Variants in SLC38A9 observed in about 807,000 individuals in gnomAD.
The protein encoded by SLC38A9 is neutral amino acid transporter 9.
A neutral mutation model predicts 62.3 loss-of-function variants in SLC38A9; 48 were observed. The ratio of observed to expected loss-of-function variants is 0.77; its 90% CI spans 0.61 to 0.98. The LOEUF (loss-of-function observed/expected upper bound fraction) is 0.98, where lower values mean the gene tolerates loss of function less well. Ranked by LOEUF, SLC38A9 falls within the 50% of genes least tolerant of loss-of-function variation. The pLI is 0.00. For synonymous variants in SLC38A9, 204 were observed against 227.7 expected (o/e 0.90, Z 0.94); for missense variants, 541 against 679.8 (o/e 0.80, Z 2.27).
chr5:55,652,005 C>G (rs1339458698), intron 10 of SLC38A9, among the ~76,000 whole-genome samples: 7 of 145,678 alleles, frequency 4.8e-5, no homozygotes, highest in African/African-American at 1.7e-4. Context: ...AAATGGTCAT[C>G]TACACTTTTC....
chr5:55,691,350 T>C (rs1754712832), intron 3 of SLC38A9: 2 of 1,425,326 alleles, frequency 1.4e-6, no homozygotes, highest in Non-Finnish European at 1.8e-6. Context: ...AAAATATGGT[T>C]TACAAAGAAT....
At position 55,706,496 on chromosome 5, in the gene SLC38A9, G is replaced by C. The variant is rs139298561; in HGVS notation, c.-35+4956C>G. Among the ~76,000 whole-genome samples, 377 of 152,278 alleles carry C rather than the reference G, an allele frequency of 2.5e-3. 3 individuals are homozygous for C. Among genetic ancestry groups the C allele is most frequent in the African/African-American group, 8.8e-3 (367 of 41,568 alleles). Reference sequence around the variant, plus strand: ...TTATCAAAAAGTGAAATCAAGGTTGGGGAAAAATGTAAGGGCCACTGAGGA... The same window carrying C: ...TTATCAAAAAGTGAAATCAAGGTTGCGGAAAAATGTAAGGGCCACTGAGGA... On this transcript the variant is annotated intron_variant, in intron 2 of 15. Transcript: ENST00000396865.
At chr5:55,694,133 A>G (rs150661692) in intron 3 of SLC38A9, 2,021 of 198,726 alleles carry the variant, frequency 0.01, 18 homozygotes, top group Non-Finnish European at 0.015. Context: ...GCTTCAGCCC[A>G]GGAGATCAAG....
At chr5:55,709,248 CCTT>C (rs1449096279) in intron 2 of SLC38A9, among the ~76,000 whole-genome samples, 2 of 152,150 alleles carry the variant, frequency 1.3e-5, no homozygotes, top group Non-Finnish European at 2.9e-5. Context: ...AAGAATCTCT[CCTT>C]CTACAATGGG....
intron 14 of SLC38A9, chr5:55,633,526 C>A (rs562522283): frequency 4.2e-6 from 2 of 477,206 alleles, no homozygotes; most frequent in Non-Finnish European, 7.4e-6. Context: ...TAAATGGTAT[C>A]GGAGCTAATT....
Position 55,681,797 on chromosome 5 carries a change from T to C in SLC38A9, c.114-9102A>G, listed in dbSNP as rs916410114. ...GTGCAGACCAGGGGTCGGTACACTA[T>C]GGCCTGATAAAACAAATCCAAGCCC... On this transcript the variant is annotated intron_variant, in intron 3 of 15. Coordinates refer to ENST00000396865, the MANE Select transcript of SLC38A9 (RefSeq NM_173514.4). Among the ~76,000 whole-genome samples, 2 of 152,166 alleles carry C rather than the reference T, an allele frequency of 1.3e-5. 1 individual carries two copies. Among genetic ancestry groups the C allele is most frequent in the African/African-American group, 4.8e-5 (2 of 41,426 alleles).
chr5:55,707,786 T>C (rs1021600594), intron 2 of SLC38A9, among the ~76,000 whole-genome samples: 8 of 152,364 alleles, frequency 5.3e-5, no homozygotes, highest in African/African-American at 9.6e-5. Context: ...TAATTGCCAA[T>C]GTTATAGTAT....
At chr5:55,655,172 G>A (rs1167173651) in intron 9 of SLC38A9, among the ~76,000 whole-genome samples, 1 of 152,116 alleles carries the variant, frequency 6.6e-6, no homozygotes, top group Admixed American at 6.5e-5. Flanking sequence ...GAAATGGATT[G>A]TTTCATACTC....
In SLC38A9 at chr5:55,645,845, A is replaced by C. The variant is rs745594588; in HGVS notation, c.1111T>G (p.Phe371Val). The C allele has an allele frequency of 6.2e-7, 1 of 1,612,572 alleles. No homozygotes were observed. The highest frequency in any genetic ancestry group is 1.3e-5 in the African/African-American group (1 of 74,986). ...QLTGVLTLAFFIHNCIITLLK... is the reference protein window; with the variant it reads ...QLTGVLTLAFVIHNCIITLLK... Reference sequence around the variant, plus strand: ...AGTGTGATGATACAATTATGAATAAAAAAAGCAAGGGTAAGCACTCCAGTC... The same window carrying C: ...AGTGTGATGATACAATTATGAATAACAAAAGCAAGGGTAAGCACTCCAGTC... Residue 371 changes from phenylalanine to valine, a missense_variant, in exon 12 of 16, where the codon TTT becomes GTT. By Grantham distance (50) the Phe-to-Val change is conservative (BLOSUM62 -1). Coordinates refer to ENST00000396865, the MANE Select transcript of SLC38A9 (RefSeq NM_173514.4).
intron 8 of SLC38A9, among the ~76,000 whole-genome samples, chr5:55,657,625 A>G (rs1748686472): frequency 1.3e-5 from 2 of 152,196 alleles, no homozygotes; most frequent in Admixed American, 1.3e-4. Context: ...ATGGCTGAGC[A>G]TTCATCATTC....
intron 7 of SLC38A9, among the ~76,000 whole-genome samples, chr5:55,667,671 A>AG (rs1461602725): frequency 6.6e-6 from 1 of 152,006 alleles, no homozygotes; most frequent in Non-Finnish European, 1.5e-5. Context: ...GCTTTGTGTT[A>AG]GGGGTGTGTG....
chr5:55,700,393 G>C (rs1321775371), intron 2 of SLC38A9, among the ~76,000 whole-genome samples: 1 of 148,622 alleles, frequency 6.7e-6, no homozygotes, highest in Non-Finnish European at 1.5e-5. Flanking sequence ...CCAGACCAAA[G>C]GGGAAAAAAA....
chr5:55,668,536 C>G (rs1471170393), intron 7 of SLC38A9, among the ~76,000 whole-genome samples: 1 of 152,144 alleles, frequency 6.6e-6, no homozygotes, highest in African/African-American at 2.4e-5. Flanking sequence ...TCTGGCTTCT[C>G]AAGACTTTTA....
chr5:55,669,135 G>A, intron 7 of SLC38A9, 93 bp downstream of exon 7: 1 of 752,562 alleles, frequency 1.3e-6, no homozygotes, highest in African/African-American at 1.8e-5. Context: ...GTAGACAGCT[G>A]ACACACATGT....
At chr5:55,650,786 G>T (rs116579957) in intron 10 of SLC38A9, among the ~76,000 whole-genome samples, 1,607 of 152,022 alleles carry the variant, frequency 0.011, 25 homozygotes, top group African/African-American at 0.037. Flanking sequence ...GATATGCTGG[G>T]TTATTTATTT....
intron 3 of SLC38A9, 33 bp downstream of exon 3, chr5:55,697,813 A>G: frequency 8.9e-7 from 1 of 1,128,028 alleles, no homozygotes; most frequent in Non-Finnish European, 1.3e-6. Flanking sequence ...TAAAGACCCT[A>G]ATTATGAAAT....
chr5:55,629,142 G>A (rs1742980095), intron 14 of SLC38A9, among the ~76,000 whole-genome samples: 1 of 152,196 alleles, frequency 6.6e-6, no homozygotes, highest in South Asian at 2.1e-4. Context: ...ATTATAAACG[G>A]AAACAACTTT....
intron 3 of SLC38A9, among the ~76,000 whole-genome samples, chr5:55,676,910 A>G (rs1321705954): frequency 1.3e-5 from 2 of 152,166 alleles, no homozygotes; most frequent in African/African-American, 4.8e-5. Flanking sequence ...AAATGTTTCC[A>G]TTGTTAGATG....
At chr5:55,638,757 T>A (rs937684216) in intron 12 of SLC38A9, among the ~76,000 whole-genome samples, 2 of 152,022 alleles carry the variant, frequency 1.3e-5, no homozygotes, top group Non-Finnish European at 2.9e-5. Context: ...CAGATTCATA[T>A]GAAGAAGGAA....
Sources: allele counts gnomAD v4.1 joint callset (sites outside exome capture counted in the v4.1 genomes callset), GRCh38; gene constraint gnomAD v4.1.1; transcripts MANE v1.5; gene names NCBI Gene and HGNC (gene_info 2026-07-23, HGNC 2026-07-21).